SPPL3: variants seen among roughly 807,000 people sequenced by gnomAD.
SPPL3 encodes the protein signal peptide peptidase like 3.
In SPPL3, 5 loss-of-function variants were observed where a neutral mutation model predicts 42.4. That is an observed-to-expected ratio of 0.12 (90% CI 0.06 to 0.25). SPPL3 has a LOEUF of 0.25. Among genes scored for constraint, SPPL3 ranks in the 10% least tolerant of loss-of-function variants. The pLI is 1.00. For missense variants in SPPL3, 235 were observed against 489.0 expected (o/e 0.48, Z 4.90); for synonymous variants, 195 against 181.8 (o/e 1.07, Z -0.58).
chr12:120,887,246 T>C (rs1318145352), intron 1 of SPPL3, among the ~76,000 whole-genome samples: 1 of 152,208 alleles, frequency 6.6e-6, no homozygotes, highest in Admixed American at 6.5e-5. Context: ...AGTATTTTTA[T>C]GTAAATTAGT....
chr12:120,888,092 T>C (rs2701174), intron 1 of SPPL3, among the ~76,000 whole-genome samples: 43,433 of 152,116 alleles, frequency 0.29, 7,650 homozygotes, highest in Non-Finnish European at 0.4. Context: ...TTTTGGTTTT[T>C]TTAGACAGAG....
intron 6 of SPPL3, among the ~76,000 whole-genome samples, chr12:120,781,566 T>TG (rs1179827952): frequency 1.0e-4 from 9 of 88,376 alleles, no homozygotes; most frequent in South Asian, 5.3e-4. Flanking sequence ...TTTTTTTTTT[T>TG]TTTTTTTTTT....
chr12:120,851,352 T>C (rs11065292), intron 1 of SPPL3, among the ~76,000 whole-genome samples: 59,962 of 151,942 alleles, frequency 0.39, 13,992 homozygotes, highest in Middle Eastern at 0.56. Flanking sequence ...ATCATACTCA[T>C]AGTCCAAACT....
intron 6 of SPPL3, among the ~76,000 whole-genome samples, chr12:120,779,050 T>C (rs1007374141): frequency 1.3e-5 from 2 of 152,154 alleles, no homozygotes; most frequent in Non-Finnish European, 2.9e-5. Context: ...CATGTTACCA[T>C]ATTGCAGCCT....
chr12:120,900,146 A>G (rs1188204835), intron 1 of SPPL3, among the ~76,000 whole-genome samples: 1 of 152,162 alleles, frequency 6.6e-6, no homozygotes, highest in Admixed American at 6.5e-5. Flanking sequence ...TGATCAACTC[A>G]TTGCCAATAA....
intron 1 of SPPL3, among the ~76,000 whole-genome samples, chr12:120,889,662 T>G (rs752787200): frequency 3.5e-4 from 53 of 152,330 alleles, no homozygotes; most frequent in Middle Eastern, 6.8e-3. Context: ...TTCATAAGTA[T>G]ATTTTATTGT....
chr12:120,800,858 T>C (rs977308589), intron 2 of SPPL3, among the ~76,000 whole-genome samples: 1 of 152,212 alleles, frequency 6.6e-6, no homozygotes, highest in South Asian at 2.1e-4. Flanking sequence ...TTAAGCTTGA[T>C]TGAGCTCATA....
Position 120,782,739 on chromosome 12 carries a change from T to C in SPPL3, c.418A>G (p.Thr140Ala). The C allele has an allele frequency of 6.2e-7, 1 of 1,608,778 alleles. No homozygotes were observed. The highest frequency in any genetic ancestry group is 2.2e-5 in the East Asian group (1 of 44,740). ...GAGAATGACAGCAACTCAGCAGCAG[T>C]GAAACGTCCACAGCAACCAAAGGAA... is the stretch of plus-strand genomic sequence containing the variant. Reference protein sequence around the residue: ...KISFGCCGRFTAAELLSFSLS... With the variant: ...KISFGCCGRFAAAELLSFSLS... Residue 140 changes from threonine (T) to alanine (A), a missense_variant, in exon 6 of 11, where the codon ACT becomes GCT. This residue lies in a region of SPPL3 where 110 missense variants were observed against 186.2 expected (regional missense o/e 0.59). Coordinates refer to ENST00000353487, the MANE Select transcript of SPPL3 (RefSeq NM_139015.5).
At chr12:120,802,349 A>G (rs1209910700) in intron 2 of SPPL3, among the ~76,000 whole-genome samples, 1 of 147,724 alleles carries the variant, frequency 6.8e-6, no homozygotes, top group Non-Finnish European at 1.5e-5. Flanking sequence ...GTATGTATGT[A>G]TGTATGTGTG....
chr12:120,813,318 C>CTT (rs149707030), intron 1 of SPPL3, among the ~76,000 whole-genome samples: 6,931 of 134,188 alleles, frequency 0.052, 303 homozygotes, highest in African/African-American at 0.11. Context: ...GGATCCTCAG[C>CTT]TTTTTTTTTT....
chr12:120,853,103 G>C (rs1462491609), intron 1 of SPPL3, among the ~76,000 whole-genome samples: 1 of 151,272 alleles, frequency 6.6e-6, no homozygotes, highest in Admixed American at 6.6e-5. Context: ...GACTGTGTTG[G>C]CCAGGCTGGT....
intron 4 of SPPL3, among the ~76,000 whole-genome samples, chr12:120,783,978 G>A (rs537541179): frequency 6.6e-6 from 1 of 152,188 alleles, no homozygotes; most frequent in Admixed American, 6.5e-5. Flanking sequence ...ATAAACAGCA[G>A]GCCAGGGGAT....
chr12:120,828,966 T>C (rs1871312249), intron 1 of SPPL3, among the ~76,000 whole-genome samples: 1 of 151,988 alleles, frequency 6.6e-6, no homozygotes, highest in African/African-American at 2.4e-5. Context: ...TCTCTCTATG[T>C]TGCCCAGGCT....
chr12:120,897,456 G>C (rs1873845582), intron 1 of SPPL3, among the ~76,000 whole-genome samples: 1 of 152,174 alleles, frequency 6.6e-6, no homozygotes, highest in South Asian at 2.1e-4. Context: ...GGGAGCGGTG[G>C]CTCACACCTG....
intron 3 of SPPL3, among the ~76,000 whole-genome samples, chr12:120,787,679 T>C (rs1369353193): frequency 2.0e-5 from 3 of 152,184 alleles, no homozygotes; most frequent in Non-Finnish European, 2.9e-5. Flanking sequence ...TCTCTCATTC[T>C]CCTGAAGGGA....
chr12:120,784,617 T>C, intron 3 of SPPL3, 24 bp from the exon 4 acceptor site: 1 of 1,583,050 alleles, frequency 6.3e-7, no homozygotes. Flanking sequence ...ACAGACAGAT[T>C]AATAACTTAT....
At chr12:120,850,811 C>G (rs949713273) in intron 1 of SPPL3, among the ~76,000 whole-genome samples, 1 of 152,190 alleles carries the variant, frequency 6.6e-6, no homozygotes, top group African/African-American at 2.4e-5. Context: ...AGAGGACCAC[C>G]TGCATTCCTT....
At chr12:120,800,038 A>G (rs774554104) in intron 2 of SPPL3, among the ~76,000 whole-genome samples, 3 of 152,258 alleles carry the variant, frequency 2.0e-5, no homozygotes, top group Non-Finnish European at 2.9e-5. Flanking sequence ...GGTTGGACCT[A>G]GAACAGTTCG....
At chr12:120,831,575 T>C (rs1434193884) in intron 1 of SPPL3, among the ~76,000 whole-genome samples, 3 of 152,220 alleles carry the variant, frequency 2.0e-5, no homozygotes, top group Non-Finnish European at 4.4e-5. Context: ...TGGGAATTCA[T>C]GTCTCAGCCA....
Sources: gnomAD v4.1 joint callset for allele counts (sites outside exome capture counted in the v4.1 genomes callset) on GRCh38, gnomAD v4.1.1 for gene constraint, gnomAD v4.1.1 regional missense constraint, MANE v1.5 for transcripts, NCBI Gene and HGNC (gene_info 2026-07-23, HGNC 2026-07-21) for gene names.